ATAD2: variants seen among roughly 807,000 people sequenced by gnomAD.
ATAD2 encodes the protein ATPase family AAA domain-containing protein 2.
ATAD2 carries 62 observed loss-of-function variants against 168.9 expected under a neutral mutation model. That is an observed-to-expected ratio of 0.37 (90% CI 0.30 to 0.45). The LOEUF (loss-of-function observed/expected upper bound fraction) is 0.45. Among genes scored for constraint, ATAD2 ranks in the 20% least tolerant of loss-of-function variants. ATAD2 has a pLI of 1.00. For synonymous variants in ATAD2, 613 were observed against 571.6 expected (o/e 1.07, Z -1.03); for missense variants, 1,419 against 1,667.8 (o/e 0.85, Z 2.60).
intron 1 of ATAD2, among the ~76,000 whole-genome samples, chr8:123,404,109 A>G (rs1293734532): frequency 1.3e-5 from 2 of 152,184 alleles, no homozygotes; most frequent in East Asian, 3.8e-4. Flanking sequence ...GATGTAGTAT[A>G]TTCATATGGT....
intron 6 of ATAD2, among the ~76,000 whole-genome samples, chr8:123,370,364 G>A: frequency 6.6e-6 from 1 of 152,022 alleles, no homozygotes. Context: ...AAGCTTCCAA[G>A]TTAACATAAC....
At chr8:123,385,246 G>GA (rs994296590) in intron 1 of ATAD2, among the ~76,000 whole-genome samples, 15 of 151,908 alleles carry the variant, frequency 9.9e-5, no homozygotes, top group Non-Finnish European at 1.9e-4. Context: ...GGCTTGTATA[G>GA]AAAAAAATTT....
At chr8:123,372,735 T>C (rs1222918251) in intron 2 of ATAD2, 49 bp from the exon 3 acceptor site, 1 of 1,428,936 alleles carries the variant, frequency 7.0e-7, no homozygotes, top group African/African-American at 1.5e-5. Flanking sequence ...CATAACTTTA[T>C]TTTTATTTAT....
intron 1 of ATAD2, among the ~76,000 whole-genome samples, chr8:123,389,553 T>C (rs1257505303): frequency 1.3e-5 from 2 of 151,424 alleles, no homozygotes; most frequent in African/African-American, 4.8e-5. Context: ...GGCAGGAGAA[T>C]GGCGTGAACC....
intron 22 of ATAD2, among the ~76,000 whole-genome samples, chr8:123,335,369 G>A: frequency 6.6e-6 from 1 of 152,178 alleles, no homozygotes; most frequent in Non-Finnish European, 1.5e-5. Flanking sequence ...AGGTGAGCTA[G>A]AGGACTGGGA....
Position 123,396,365 on chromosome 8 carries a change from C to T in ATAD2, c.-8G>A, listed in dbSNP as rs1207147857. 2.5e-5 allele frequency: 39 copies of T among 1,566,358 alleles called. No individual in the cohort carries two copies. Among genetic ancestry groups the T allele is most frequent in the Middle Eastern group, 1.8e-4 (1 of 5,514 alleles). On this transcript the variant is annotated 5_prime_UTR_variant, in exon 1 of 28. Coordinates refer to ENST00000287394, the MANE Select transcript of ATAD2 (RefSeq NM_014109.4). ...GCTGCGGAGAACCACCATCTTCTCT[C>T]CCTACTGGCCTCGGCGTGCGCGACC...
At chr8:123,339,963 G>A (rs1828020062) in intron 19 of ATAD2, among the ~76,000 whole-genome samples, 1 of 151,874 alleles carries the variant, frequency 6.6e-6, no homozygotes, top group African/African-American at 2.4e-5. Flanking sequence ...CACAATCATA[G>A]CTCACTGCAA....
At chr8:123,336,600 T>C in intron 21 of ATAD2, 68 bp from the exon 22 acceptor site, 3 of 1,230,930 alleles carry the variant, frequency 2.4e-6, no homozygotes, top group African/African-American at 3.1e-5. Flanking sequence ...CAAGTTTCGA[T>C]GCCAGGCAAT....
At chr8:123,337,568 TTTGA>T in intron 21 of ATAD2, 53 bp downstream of exon 21, 1 of 1,448,486 alleles carries the variant, frequency 6.9e-7, no homozygotes, top group Non-Finnish European at 9.3e-7. Context: ...TCAAATATCC[TTTGA>T]TTGTGAAGCA....
At chr8:123,370,148 AAC>A in intron 6 of ATAD2, 124 bp from the exon 7 acceptor site, 10 of 875,854 alleles carry the variant, frequency 1.1e-5, no homozygotes, top group South Asian at 1.8e-5. Context: ...AAAAAAAAAA[AAC>A]AACAAAAAAA....
intron 2 of ATAD2, among the ~76,000 whole-genome samples, chr8:123,377,091 C>CAAAAAAAAAAA (rs58655606): frequency 0.018 from 488 of 27,246 alleles, 139 homozygotes; most frequent in South Asian, 0.063. Context: ...GACTCCGTCT[C>CAAAAAAAAAAA]AAAAAAAAAA....
chr8:123,385,199 C>A lies in ATAD2; in HGVS notation c.172-4522G>T, dbSNP rs1014662139. On this transcript the variant is annotated intron_variant, in intron 1 of 27. Transcript: ENST00000287394. Reference sequence around the variant, plus strand: ...ACTGTTATTGATGAGCATGCTAACACTGACTGTCTTACATATAGTAGACAT... The same window carrying A: ...ACTGTTATTGATGAGCATGCTAACAATGACTGTCTTACATATAGTAGACAT... 5.9e-5 allele frequency among the ~76,000 whole-genome samples: 9 copies of A among 152,186 alleles called. No homozygotes were observed. In the East Asian group the frequency reaches 1.2e-3, roughly 20 times the overall value.
At chr8:123,388,209 T>A (rs1447402545) in intron 1 of ATAD2, among the ~76,000 whole-genome samples, 1 of 152,114 alleles carries the variant, frequency 6.6e-6, no homozygotes, top group Non-Finnish European at 1.5e-5. Flanking sequence ...CTTTATTTAT[T>A]TTTAGAGATA....
At chr8:123,399,587 C>A (rs1279714687), upstream of ATAD2, among the ~76,000 whole-genome samples, 2 of 150,934 alleles carry the variant, frequency 1.3e-5, no homozygotes, top group African/African-American at 4.9e-5. Context: ...CCAGGCGGGG[C>A]GGCTCACACC....
intron 21 of ATAD2, 93 bp downstream of exon 21, chr8:123,337,532 A>C (rs1827952494): frequency 8.4e-7 from 1 of 1,188,796 alleles, no homozygotes. Context: ...ACTAGTTAAG[A>C]GTGTAGGCAG....
chr8:123,401,520 G>A, intron 1 of ATAD2: 1 of 1,562,914 alleles, frequency 6.4e-7, no homozygotes, highest in South Asian at 1.1e-5. Flanking sequence ...GATTGATGCT[G>A]GTGTGGACGG....
At chr8:123,406,677 C>T (rs1003572804) in intron 1 of ATAD2, among the ~76,000 whole-genome samples, 2 of 151,584 alleles carry the variant, frequency 1.3e-5, no homozygotes, top group East Asian at 2.0e-4. Context: ...ATTAGCCGGG[C>T]GTTGTGGTGC....
At chr8:123,332,402 C>T (rs918188663) in intron 24 of ATAD2, among the ~76,000 whole-genome samples, 1 of 152,148 alleles carries the variant, frequency 6.6e-6, no homozygotes, top group Non-Finnish European at 1.5e-5. Flanking sequence ...TCCAAATCAC[C>T]CTTATTCTAA....
At chr8:123,361,842 A>G (rs1233715454) in intron 8 of ATAD2, among the ~76,000 whole-genome samples, 196 bp from the exon 9 acceptor site, 1 of 152,228 alleles carries the variant, frequency 6.6e-6, no homozygotes, top group Non-Finnish European at 1.5e-5. Flanking sequence ...GAGGAAAGGA[A>G]AAAAGACTAA....
Sources: allele counts gnomAD v4.1 joint callset (sites outside exome capture counted in the v4.1 genomes callset), GRCh38; gene constraint gnomAD v4.1.1; transcripts MANE v1.5; gene names NCBI Gene and HGNC (gene_info 2026-07-23, HGNC 2026-07-21).